MX1: variants seen among roughly 807,000 people sequenced by gnomAD.
MX1 encodes the protein interferon-induced GTP-binding protein Mx1.
In MX1, 66 loss-of-function variants were observed where a neutral mutation model predicts 66.4. The ratio of observed to expected loss-of-function variants is 0.99; its 90% CI spans 0.82 to 1.22. The LOEUF (loss-of-function observed/expected upper bound fraction) is 1.22, where lower values mean the gene tolerates loss of function less well. Ranked by LOEUF, MX1 falls within the 50% of genes most tolerant of loss-of-function variation. The pLI is 0.00. For missense variants in MX1, 787 were observed against 834.3 expected, an observed-to-expected ratio of 0.94 and a Z score of 0.70; for synonymous variants, 311 against 318.1, an observed-to-expected ratio of 0.98 and a Z score of 0.24.
At chr21:41,442,009 G>GTGTA in intron 10 of MX1, 95 bp downstream of exon 10, 1 of 1,021,630 alleles carries the variant, frequency 9.8e-7, no homozygotes, top group Non-Finnish European at 1.5e-6. Flanking sequence ...TGTGTGGAGT[G>GTGTA]TGTGTGTGTG....
chr21:41,438,894 GC>G (rs1408460110), intron 7 of MX1, among the ~76,000 whole-genome samples: 2 of 151,852 alleles, frequency 1.3e-5, no homozygotes, highest in South Asian at 2.1e-4. Context: ...TGTTTCCAAG[GC>G]CCCCCCGTGA....
At chr21:41,433,093 C>A (rs1476900653) in intron 5 of MX1, among the ~76,000 whole-genome samples, 1 of 152,194 alleles carries the variant, frequency 6.6e-6, no homozygotes, top group Non-Finnish European at 1.5e-5. Context: ...TCAAGGAGAA[C>A]AGAGTGTGTC....
intron 16 of MX1, among the ~76,000 whole-genome samples, chr21:41,457,737 G>T (rs1347400790): frequency 1.3e-5 from 2 of 152,096 alleles, no homozygotes; most frequent in Non-Finnish European, 2.9e-5. Flanking sequence ...CCATTTGGGG[G>T]TACATAGTTC....
At chr21:41,451,279 GAA>G in intron 15 of MX1, 36 bp downstream of exon 15, 1 of 1,202,838 alleles carries the variant, frequency 8.3e-7, no homozygotes, top group African/African-American at 1.5e-5. Context: ...AAAAAAAAAA[GAA>G]AAGAAATTAA....
intron 16 of MX1, among the ~76,000 whole-genome samples, chr21:41,456,549 A>G (rs184071228): frequency 6.6e-6 from 1 of 152,160 alleles, no homozygotes; most frequent in Non-Finnish European, 1.5e-5. Context: ...TACACATGTT[A>G]CCCACATCTA....
intron 11 of MX1, among the ~76,000 whole-genome samples, chr21:41,444,314 C>CTTT (rs1300035216): frequency 9.7e-6 from 1 of 103,296 alleles, no homozygotes; most frequent in African/African-American, 3.9e-5. Context: ...CTTTTCTTTT[C>CTTT]TTTCTTTTTT....
chr21:41,432,650 G>A (rs1262690748), intron 5 of MX1, among the ~76,000 whole-genome samples: 1 of 152,184 alleles, frequency 6.6e-6, no homozygotes, highest in Non-Finnish European at 1.5e-5. Flanking sequence ...TGGTCCCGAC[G>A]CTGACACTCT....
At chr21:41,437,794 C>G (rs1007897473) in intron 7 of MX1, among the ~76,000 whole-genome samples, 5 of 152,240 alleles carry the variant, frequency 3.3e-5, no homozygotes, top group African/African-American at 1.2e-4. Flanking sequence ...GCTCCTCCCC[C>G]TGTTCCTTTG....
intron 16 of MX1, among the ~76,000 whole-genome samples, chr21:41,457,859 C>T (rs371365263): frequency 1.3e-5 from 2 of 152,200 alleles, no homozygotes; most frequent in African/African-American, 2.4e-5. Context: ...CCCCATTCCC[C>T]GCCCCTGAAT....
In MX1 at chr21:41,441,022, A is replaced by G; in HGVS notation, c.727A>G (p.Ile243Val). 1.2e-6 allele frequency: 2 copies of G among 1,612,766 alleles called. No individual in the cohort carries two copies. Among genetic ancestry groups the G allele is most frequent in the Non-Finnish European group, 1.7e-6 (2 of 1,179,388 alleles). ...GGTGGACCCCGAGGGAGACAGGACC[A>G]TCGGTGAGAGTGGGGGAGCCCCACT... ...QEVDPEGDRTIGILTKPDLVD... is the reference protein window; with the variant it reads ...QEVDPEGDRTVGILTKPDLVD... The change falls in exon 9 of 17, where the codon ATC (isoleucine) becomes GTC (valine). Residue 243 changes from isoleucine (I) to valine (V), a missense_variant. Ile to Val is a conservative substitution (Grantham distance 29, BLOSUM62 3). Transcript: ENST00000398598. The surrounding 1 kb of genome is among the most constrained non-coding windows in gnomAD (Gnocchi z 4.0).
chr21:41,449,117 G>C lies in MX1; in HGVS notation c.1274-20G>C. 1 of 1,558,718 alleles carries C rather than the reference G, an allele frequency of 6.4e-7. No individual in the cohort carries two copies. The highest frequency in any genetic ancestry group is 8.7e-7 in the Non-Finnish European group (1 of 1,154,874). ...ATTATTTTTGTAAAATAATTTAGAG[G>C]GTTTTTTTTCCTGCTATAGGCCATA... On this transcript the variant is annotated intron_variant, in intron 13 of 16. Coordinates refer to ENST00000398598, the MANE Select transcript of MX1 (RefSeq NM_002462.5).
intron 4 of MX1, among the ~76,000 whole-genome samples, chr21:41,431,514 T>A (rs568456154): frequency 6.6e-6 from 1 of 152,124 alleles, no homozygotes; most frequent in South Asian, 2.1e-4. Context: ...CTTGCTCTGT[T>A]GCCCAGACTG....
chr21:41,450,500 G>A (rs2090793194), intron 14 of MX1, among the ~76,000 whole-genome samples: 1 of 152,070 alleles, frequency 6.6e-6, no homozygotes, highest in African/African-American at 2.4e-5. Context: ...TGACCTTTTA[G>A]CCCTGATAAT....
chr21:41,420,686 TC>T (rs917916020), exon 1 of MX1: 1 of 152,260 alleles, frequency 6.6e-6, no homozygotes, highest in African/African-American at 2.4e-5. Flanking sequence ...GCCTTCCGAT[TC>T]CCCATTCATT....
At chr21:41,451,878 T>A (rs7276891) in intron 15 of MX1, among the ~76,000 whole-genome samples, 1 of 142,618 alleles carries the variant, frequency 7.0e-6, no homozygotes, top group African/African-American at 2.6e-5. Flanking sequence ...CCATCCAGAG[T>A]GAGGAAAGAG....
chr21:41,435,361 C>T (rs947428854), intron 5 of MX1, among the ~76,000 whole-genome samples: 4 of 152,160 alleles, frequency 2.6e-5, no homozygotes, highest in African/African-American at 9.7e-5. Context: ...TGTCTCTCTT[C>T]CATTCTCTTT....
intron 16 of MX1, among the ~76,000 whole-genome samples, chr21:41,457,892 G>C (rs866120113): frequency 4.9e-4 from 75 of 152,104 alleles, no homozygotes; most frequent in African/African-American, 1.7e-3. Context: ...CCATCCTACT[G>C]TCTGTCTCTG....
At chr21:41,427,911 C>G (rs1227769838) in intron 3 of MX1, 45 bp downstream of exon 3, 1 of 152,102 alleles carries the variant, frequency 6.6e-6, no homozygotes, top group African/African-American at 2.4e-5. Context: ...TCTTTTCTTT[C>G]TTTCTTTTTT....
chr21:41,432,987 T>C (rs2090263716), intron 5 of MX1, among the ~76,000 whole-genome samples: 1 of 152,264 alleles, frequency 6.6e-6, no homozygotes, highest in Admixed American at 6.5e-5. Context: ...GTCTCTTGTC[T>C]GGCTGTAAGA....
Sources: allele counts gnomAD v4.1 joint callset (sites outside exome capture counted in the v4.1 genomes callset), GRCh38; gene constraint gnomAD v4.1.1; non-coding constraint Gnocchi (gnomAD v3.1); transcripts MANE v1.5; gene names NCBI Gene and HGNC (gene_info 2026-07-23, HGNC 2026-07-21).